The following ARHGAP21 variants were observed in gnomAD, a reference collection of about 807,000 sequenced individuals.
ARHGAP21 encodes Rho GTPase activating protein 21, also known as rho GTPase-activating protein 21.
Under a neutral mutation model 164.6 loss-of-function variants are expected in ARHGAP21, and 38 were observed. The observed-to-expected ratio is 0.23, with a 90% CI of 0.18 to 0.30. ARHGAP21 has a LOEUF of 0.30. Among genes scored for constraint, ARHGAP21 ranks in the 10% least tolerant of loss-of-function variants. ARHGAP21 has a pLI of 1.00. For missense variants in ARHGAP21, 1,822 were observed against 2,370.7 expected (o/e 0.77, Z 4.81); for synonymous variants, 766 against 857.9 (o/e 0.89, Z 1.87).
At chr10:24,624,455 T>C (rs892497741) in intron 7 of ARHGAP21, among the ~76,000 whole-genome samples, 1 of 149,000 alleles carries the variant, frequency 6.7e-6, no homozygotes, top group Non-Finnish European at 1.5e-5. Flanking sequence ...TTCTCCTGCC[T>C]CAGCCTCCTG....
Position 24,630,057 on chromosome 10 carries a change from T to C in ARHGAP21, c.441-7A>G. On this transcript the variant is annotated splice_region_variant and splice_polypyrimidine_tract_variant and intron_variant, in intron 6 of 25. Coordinates refer to ENST00000396432, the MANE Select transcript of ARHGAP21 (RefSeq NM_020824.4). ...AAGTTCCAATGTTGTATCACTGAAA[T>C]TGAATTATATACTATTTTAGGAGAG... 2 of 1,492,662 alleles carry C rather than the reference T, an allele frequency of 1.3e-6. No individual in the cohort carries two copies. The allele number at this position is 1,492,662 out of a possible 1,614,324, so 92.5% of individuals were successfully genotyped here. A position where few individuals can be genotyped will look rare whatever the true frequency, so the allele number is the denominator to read the frequency against.
Position 24,708,572 on chromosome 10 carries a change from C to T in ARHGAP21, c.63+13265G>A, listed in dbSNP as rs373841884. 3.9e-5 allele frequency among the ~76,000 whole-genome samples: 6 copies of T among 152,304 alleles called. 1 individual carries two copies. In the South Asian group the frequency reaches 1.2e-3, roughly 32 times the overall value. On this transcript the variant is annotated intron_variant, in intron 2 of 25. Coordinates refer to ENST00000396432, the MANE Select transcript of ARHGAP21 (RefSeq NM_020824.4). ...CATTAACTAATTTATCGTCATTCAC[C>T]TGCTCCCACTCTGTCACCCTTCTGA...
chr10:24,600,132 C>CAAA (rs56180973), intron 14 of ARHGAP21, among the ~76,000 whole-genome samples: 33 of 94,850 alleles, frequency 3.5e-4, no homozygotes, highest in African/African-American at 1.3e-3. Flanking sequence ...GACTTCGTTT[C>CAAA]AAAAAAAAAA....
rs1433528144 is a variant in ARHGAP21 at position 24,723,644 on chromosome 10, G to GGACCCCGCAGCCGGAC, written c.-479_-464dup. ...CCCGCCCGCCCGCCCGGCGTGAGCC[G>GGACCCCGCAGCCGGAC]GACCCCGCAGCCGGACGATCCCGCG... On this transcript the variant is annotated 5_prime_UTR_variant, in exon 1 of 26. Transcript: ENST00000396432. 2.0e-5 allele frequency: 3 copies of GGACCCCGCAGCCGGAC among 147,094 alleles called. No individual in the cohort carries two copies. Among genetic ancestry groups the GGACCCCGCAGCCGGAC allele is most frequent in the Non-Finnish European group, 3.0e-5 (2 of 65,960 alleles). The allele number at this position is 147,094 out of a possible 1,614,324, so 9.1% of individuals were successfully genotyped here.
intron 2 of ARHGAP21, among the ~76,000 whole-genome samples, chr10:24,703,432 C>T (rs1843905512): frequency 6.6e-6 from 1 of 152,144 alleles, no homozygotes; most frequent in African/African-American, 2.4e-5. Context: ...AACTTCACAA[C>T]AATCCCTGAT....
chr10:24,722,569 C>T (rs923945568), intron 1 of ARHGAP21: 4 of 152,670 alleles, frequency 2.6e-5, no homozygotes, highest in Admixed American at 6.5e-5. Context: ...GAGCAGAGGG[C>T]TGTGCATGTT....
At chr10:24,595,076 G>T in intron 20 of ARHGAP21, 37 bp from the exon 21 acceptor site, 1 of 1,606,920 alleles carries the variant, frequency 6.2e-7, no homozygotes, top group Admixed American at 1.7e-5. Context: ...TTCAGAGGCT[G>T]AATTTTAGTT....
At chr10:24,698,699 T>C (rs553186406) in intron 2 of ARHGAP21, among the ~76,000 whole-genome samples, 9 of 152,318 alleles carry the variant, frequency 5.9e-5, no homozygotes, top group African/African-American at 2.2e-4. Flanking sequence ...CCTCTTAAGT[T>C]ACAGATCCAG....
chr10:24,704,846 T>TTG (rs1312432555), intron 2 of ARHGAP21, among the ~76,000 whole-genome samples: 4 of 152,024 alleles, frequency 2.6e-5, no homozygotes, highest in Admixed American at 1.3e-4. Flanking sequence ...GCTCAAGTGA[T>TTG]CCTCCCAAGG....
chr10:24,678,793 A>T (rs1179676568), intron 2 of ARHGAP21, among the ~76,000 whole-genome samples: 1 of 152,170 alleles, frequency 6.6e-6, no homozygotes, highest in Admixed American at 6.6e-5. Context: ...TTAGCCTCCC[A>T]AATTAATCTG....
chr10:24,651,411 G>T (rs927436820), intron 4 of ARHGAP21, among the ~76,000 whole-genome samples: 1 of 152,050 alleles, frequency 6.6e-6, no homozygotes, highest in African/African-American at 2.4e-5. Flanking sequence ...GTCCTCTCTT[G>T]CTTTCTTCTT....
In ARHGAP21 at chr10:24,595,699, T is replaced by G; in HGVS notation, c.3712+18A>C. On this transcript the variant is annotated intron_variant, in intron 19 of 25. Coordinates refer to ENST00000396432, the MANE Select transcript of ARHGAP21 (RefSeq NM_020824.4). ...CTTGAACCATTTCATCTGGTATCTT[T>G]CACGGGAGTTAACTCACCATTTGTG... 1 of 1,600,104 alleles carries G rather than the reference T, an allele frequency of 6.2e-7. No individual in the cohort carries two copies. Among genetic ancestry groups the G allele is most frequent in the Non-Finnish European group, 8.5e-7 (1 of 1,169,994 alleles).
chr10:24,604,048 G>C (rs555872867), intron 12 of ARHGAP21, among the ~76,000 whole-genome samples: 31 of 151,600 alleles, frequency 2.0e-4, no homozygotes. Flanking sequence ...GAACAGGGGT[G>C]GGGTGGGGGG....
rs539036659 is a variant in ARHGAP21, at chr10:24,596,681, C to T, written c.3477+59G>A. 6 of 1,608,902 alleles carry T rather than the reference C, an allele frequency of 3.7e-6. 1 individual carries two copies. In the South Asian group the frequency reaches 6.6e-5, roughly 18 times the overall value. On this transcript the variant is annotated intron_variant, in intron 17 of 25. Coordinates refer to ENST00000396432, the MANE Select transcript of ARHGAP21 (RefSeq NM_020824.4). Reference sequence around the variant, plus strand: ...TCTGAAAGGCTATATACTCAGATCCCATTATAATCAAAACTGAATTAATGA... The same window carrying T: ...TCTGAAAGGCTATATACTCAGATCCTATTATAATCAAAACTGAATTAATGA...
intron 4 of ARHGAP21, chr10:24,648,777 CTCA>C: frequency 1.4e-6 from 1 of 732,116 alleles, no homozygotes; most frequent in South Asian, 6.2e-5. Context: ...AAAACTCTGT[CTCA>C]AAAAAAAAAA....
At chr10:24,604,448 TC>T in intron 11 of ARHGAP21, 100 bp from the exon 12 acceptor site, 1 of 748,540 alleles carries the variant, frequency 1.3e-6, no homozygotes, top group Non-Finnish European at 2.1e-6. Context: ...TCAATAATAA[TC>T]TGACATTTCA....
intron 2 of ARHGAP21, among the ~76,000 whole-genome samples, chr10:24,675,809 A>G (rs1841159341): frequency 6.6e-6 from 1 of 152,210 alleles, no homozygotes; most frequent in African/African-American, 2.4e-5. Context: ...TATGATATAC[A>G]AAAAGATATA....
In ARHGAP21 at chr10:24,619,573, G is replaced by C; in HGVS notation, c.2322C>G (p.Pro774=). Residue 774 remains proline (P), a synonymous_variant, in exon 9 of 26, where the codon CCC becomes CCG. Coordinates refer to ENST00000396432, the MANE Select transcript of ARHGAP21 (RefSeq NM_020824.4). ...TGTGGACCTCTCGACGTGCATCATTGGGCAGCCAGCAGGTAGTGTCTGACC... is the reference window on the plus strand; with the variant it reads ...TGTGGACCTCTCGACGTGCATCATTCGGCAGCCAGCAGGTAGTGTCTGACC... The part of the protein sequence containing the change: ...ETGSDTTCWL[P]NDARREVHIK... The C allele has an allele frequency of 1.9e-6, 3 of 1,613,932 alleles. No homozygotes were observed. Among genetic ancestry groups the C allele is most frequent in the Non-Finnish European group, 2.5e-6 (3 of 1,180,000 alleles).
At position 24,605,258 on chromosome 10, in the gene ARHGAP21, T is replaced by G. The variant is rs1350605177; in HGVS notation, c.2685-910A>C. On this transcript the variant is annotated intron_variant, in intron 11 of 25. Coordinates refer to ENST00000396432, the MANE Select transcript of ARHGAP21 (RefSeq NM_020824.4). ...CTGCACTACATTGATTTCTGAGAGA[T>G]TGAAACCAACCCATCCCTTGTTTGG... Among the ~76,000 whole-genome samples the G allele has an allele frequency of 2.0e-5, 3 of 152,274 alleles. No individual in the cohort carries two copies. The South Asian group carries it at 6.2e-4, about 32-fold the overall frequency.
Sources: gnomAD v4.1 joint callset for allele counts (sites outside exome capture counted in the v4.1 genomes callset) on GRCh38, gnomAD v4.1.1 for gene constraint, MANE v1.5 for transcripts, NCBI Gene and HGNC (gene_info 2026-07-23, HGNC 2026-07-21) for gene names.